Variants in CYP2J2 observed in about 807,000 individuals in gnomAD.
CYP2J2 encodes the protein cytochrome P450 family 2 subfamily J member 2.
A neutral mutation model predicts 48.8 loss-of-function variants in CYP2J2; 41 were observed. That is an observed-to-expected ratio of 0.84 (90% CI 0.66 to 1.09). CYP2J2 has a LOEUF of 1.09. CYP2J2 is among the 50% of genes least tolerant of loss of function. The pLI, the probability that CYP2J2 is intolerant of heterozygous loss-of-function variation, is 0.00. For synonymous variants in CYP2J2, 221 were observed against 227.1 expected, an observed-to-expected ratio of 0.97 and a Z score of 0.24; for missense variants, 644 against 617.3, an observed-to-expected ratio of 1.04 and a Z score of -0.46.
Position 59,909,902 on chromosome 1 carries a change from AAG to A in CYP2J2, c.741_742del (p.Phe248GlnfsTer15). 1 of 1,612,160 alleles carries A rather than the reference AAG, an allele frequency of 6.2e-7. No individual in the cohort carries two copies. The highest frequency in any genetic ancestry group is 8.5e-7 in the Non-Finnish European group (1 of 1,179,160). ...CAATTTCAGTTTTTTCCAGTTGCTG[AAG>A]AGAGTTTGGTGGGGTCCAGGCAGGA... On this transcript the variant is annotated frameshift_variant, in exon 5 of 9. Coordinates refer to ENST00000371204, the MANE Select transcript of CYP2J2 (RefSeq NM_000775.4). LOFTEE classifies it high-confidence loss of function.
chr1:59,949,695 TG>T, the CYP2J2 span, among the ~76,000 whole-genome samples: 1 of 98,622 alleles, frequency 1.0e-5, no homozygotes. Context: ...GATCTGTGAC[TG>T]GAAGCTTTTT....
At chr1:59,932,847 C>T in the CYP2J2 span, among the ~76,000 whole-genome samples, 1 of 151,954 alleles carries the variant, frequency 6.6e-6, no homozygotes, top group African/African-American at 2.4e-5. Context: ...ATTACAAGCA[C>T]ATGGCATTAT....
upstream of CYP2J2, among the ~76,000 whole-genome samples, chr1:59,928,257 C>T (rs994307473): frequency 6.6e-6 from 1 of 152,152 alleles, no homozygotes; most frequent in African/African-American, 2.4e-5. Context: ...AGAAACCCCA[C>T]AGAACCTCTT....
chr1:59,968,857 A>C, the CYP2J2 span, among the ~76,000 whole-genome samples: 411 of 152,144 alleles, frequency 2.7e-3, 2 homozygotes, highest in African/African-American at 8.6e-3. Flanking sequence ...GAAGCCGCGG[A>C]CCCTCGCGGT....
chr1:59,912,088 TACTC>T (rs983781605), intron 3 of CYP2J2, 70 bp downstream of exon 3: 44 of 1,462,894 alleles, frequency 3.0e-5, no homozygotes, highest in Middle Eastern at 1.8e-4. Flanking sequence ...AACAAGCACT[TACTC>T]ACTTAGTAAG....
intron 1 of CYP2J2, among the ~76,000 whole-genome samples, chr1:59,916,306 G>A (rs991437847): frequency 6.6e-6 from 1 of 151,960 alleles, no homozygotes; most frequent in Non-Finnish European, 1.5e-5. Context: ...CTCTCAACAA[G>A]GCTCAGATTC....
intron 4 of CYP2J2, 101 bp from the exon 5 acceptor site, chr1:59,910,061 T>C: frequency 1.1e-6 from 1 of 927,024 alleles, no homozygotes; most frequent in Non-Finnish European, 1.6e-6. Flanking sequence ...TTTTATTTGC[T>C]CACACTTAAA....
chr1:59,962,658 T>A, the CYP2J2 span, among the ~76,000 whole-genome samples: 1 of 152,172 alleles, frequency 6.6e-6, no homozygotes, highest in Non-Finnish European at 1.5e-5. Context: ...ATAGTCATAA[T>A]GTTATAATTG....
At chr1:59,894,960 T>G (rs1291203727) in intron 8 of CYP2J2, among the ~76,000 whole-genome samples, 1 of 152,210 alleles carries the variant, frequency 6.6e-6, no homozygotes, top group East Asian at 1.9e-4. Flanking sequence ...TAATTTCAAA[T>G]GTACAAAAAA....
At chr1:59,968,047 T>G in the CYP2J2 span, among the ~76,000 whole-genome samples, 1 of 152,164 alleles carries the variant, frequency 6.6e-6, no homozygotes, top group South Asian at 2.1e-4. Flanking sequence ...GAAGGTAAAC[T>G]GAAAGTGACG....
chr1:59,936,561 C>T, the CYP2J2 span, among the ~76,000 whole-genome samples: 1,700 of 152,204 alleles, frequency 0.011, 25 homozygotes, highest in African/African-American at 0.039. Flanking sequence ...CTTGGGGTGC[C>T]GTCTCTAGTC....
chr1:59,896,062 C>A (rs967717054), intron 8 of CYP2J2, among the ~76,000 whole-genome samples: 2 of 152,132 alleles, frequency 1.3e-5, no homozygotes, highest in Non-Finnish European at 2.9e-5. Context: ...TTGGGCACAA[C>A]AATCTATTCC....
chr1:59,896,525 A>G (rs1227172594), intron 8 of CYP2J2, among the ~76,000 whole-genome samples: 2 of 152,026 alleles, frequency 1.3e-5, no homozygotes, highest in East Asian at 3.9e-4. Flanking sequence ...TTATTGGATC[A>G]GTATCCCTTG....
chr1:59,922,609 C>T (rs1162753470), intron 1 of CYP2J2, among the ~76,000 whole-genome samples: 1 of 151,932 alleles, frequency 6.6e-6, no homozygotes, highest in Non-Finnish European at 1.5e-5. Flanking sequence ...AGTCATTTAA[C>T]CCCTCTTTTA....
At chr1:59,913,946 T>A (rs1294515891) in intron 2 of CYP2J2, among the ~76,000 whole-genome samples, 1 of 152,228 alleles carries the variant, frequency 6.6e-6, no homozygotes, top group Non-Finnish European at 1.5e-5. Flanking sequence ...CATCTCCCTT[T>A]AATTATCTCC....
chr1:59,941,352 C>T, the CYP2J2 span, among the ~76,000 whole-genome samples: 1 of 152,006 alleles, frequency 6.6e-6, no homozygotes, highest in Non-Finnish European at 1.5e-5. Flanking sequence ...TAACACATTA[C>T]TCACATATTT....
chr1:59,928,885 C>A (rs1192113675), upstream of CYP2J2, among the ~76,000 whole-genome samples: 1 of 152,202 alleles, frequency 6.6e-6, no homozygotes, highest in African/African-American at 2.4e-5. Flanking sequence ...TCGGTCAGCA[C>A]AAGAGTTAGC....
At chr1:59,931,339 G>A (rs755764529), upstream of CYP2J2, among the ~76,000 whole-genome samples, 36 of 152,260 alleles carry the variant, frequency 2.4e-4, no homozygotes, top group Admixed American at 1.0e-3. Context: ...TAGTCTTAGA[G>A]GGACCCCATA....
At chr1:59,933,946 CA>C in the CYP2J2 span, among the ~76,000 whole-genome samples, 2 of 151,962 alleles carry the variant, frequency 1.3e-5, no homozygotes, top group Admixed American at 1.3e-4. Flanking sequence ...TTTTGAGAAA[CA>C]AAAACAAAGC....
Sources: gnomAD v4.1 joint callset for allele counts (sites outside exome capture counted in the v4.1 genomes callset) on GRCh38, gnomAD v4.1.1 for gene constraint, MANE v1.5 for transcripts, NCBI Gene and HGNC (gene_info 2026-07-23, HGNC 2026-07-21) for gene names.